ABCC6: variants seen among roughly 807,000 people sequenced by gnomAD.
ABCC6 encodes ATP-binding cassette sub-family C member 6.
Under a neutral mutation model 169.5 loss-of-function variants are expected in ABCC6, and 126 were observed. The ratio of observed to expected loss-of-function variants is 0.74; its 90% confidence interval spans 0.64 to 0.86. The LOEUF is 0.86. Among genes scored for constraint, ABCC6 ranks in the 40% least tolerant of loss-of-function variants. ABCC6 has a pLI of 0.00. For synonymous variants in ABCC6, 752 were observed against 814.7 expected (o/e 0.92, Z 1.31); for missense variants, 1,733 against 1,927.2 (o/e 0.90, Z 1.89).
At chr16:16,188,999 G>A (rs750146578) in intron 12 of ABCC6, 25 bp from the exon 13 acceptor site, 11 of 1,612,888 alleles carry the variant, frequency 6.8e-6, no homozygotes, top group Non-Finnish European at 8.5e-6. Flanking sequence ...GGACACGTGG[G>A]GCAACAGTGA....
At chr16:16,204,565 A>G (rs999681914) in intron 7 of ABCC6, among the ~76,000 whole-genome samples, 9 of 152,174 alleles carry the variant, frequency 5.9e-5, no homozygotes, top group Non-Finnish European at 1.2e-4. Flanking sequence ...GCCTTTGGCT[A>G]TAACCAGGGG....
chr16:16,210,179 C>A (rs2048554878), intron 6 of ABCC6, among the ~76,000 whole-genome samples: 1 of 151,798 alleles, frequency 6.6e-6, no homozygotes, highest in African/African-American at 2.4e-5. Context: ...CTCTGTTGCT[C>A]AGGCTGGAGT....
chr16:16,150,359 GGCTCC>G, intron 30 of ABCC6, 118 bp from the exon 31 acceptor site: 8 of 1,548,324 alleles, frequency 5.2e-6, no homozygotes, highest in Non-Finnish European at 7.0e-6. Context: ...CTTTCCATGC[GGCTCC>G]CTGGCCCTCA....
chr16:16,178,339 AAAAG>A (rs2047355348), intron 18 of ABCC6, among the ~76,000 whole-genome samples: 2 of 152,136 alleles, frequency 1.3e-5, no homozygotes, highest in South Asian at 4.1e-4. Flanking sequence ...AAAAAAAAGA[AAAAG>A]AAAAAAGTTA....
At position 16,185,649 on chromosome 16, in the gene ABCC6, G is replaced by A. The variant is rs532953617; in HGVS notation, c.1868-615C>T. ...AAAATACAAAAATTAGCCAGGCGTGGTGGTGGGCGCCTGTAATCACAGCTA... is the reference window on the plus strand; with the variant it reads ...AAAATACAAAAATTAGCCAGGCGTGATGGTGGGCGCCTGTAATCACAGCTA... On this transcript the variant is annotated intron_variant, in intron 14 of 30. Coordinates refer to ENST00000205557, the MANE Select transcript of ABCC6 (RefSeq NM_001171.6). Among the ~76,000 whole-genome samples the A allele has an allele frequency of 2.6e-5, 4 of 152,264 alleles. No individual in the cohort carries two copies. In the South Asian group the frequency reaches 6.2e-4, roughly 24 times the overall value.
intron 7 of ABCC6, 29 bp from the exon 8 acceptor site, chr16:16,203,642 G>A (rs1267803087): frequency 6.2e-7 from 1 of 1,612,714 alleles, no homozygotes; most frequent in Admixed American, 1.7e-5. Flanking sequence ...TTAGCTCTGG[G>A]TCCCATTTTA....
intron 8 of ABCC6, 73 bp downstream of exon 8, chr16:16,203,337 A>T (rs2048301315): frequency 4.4e-6 from 7 of 1,604,326 alleles, no homozygotes; most frequent in Non-Finnish European, 6.0e-6. Context: ...GGAGAGCTGA[A>T]GCCCCCTGGC....
chr16:16,183,940 C>T (rs1270786101), intron 15 of ABCC6, among the ~76,000 whole-genome samples: 1 of 152,090 alleles, frequency 6.6e-6, no homozygotes, highest in African/African-American at 2.4e-5. Flanking sequence ...GTGGCTCATG[C>T]CTGTAATCCT....
At chr16:16,222,866 A>T (rs895693581) in intron 1 of ABCC6, among the ~76,000 whole-genome samples, 9 of 152,336 alleles carry the variant, frequency 5.9e-5, no homozygotes, top group African/African-American at 1.9e-4. Context: ...AAAAGGGGGA[A>T]AACGAGACTC....
chr16:16,159,235 C>T (rs2046637718), intron 26 of ABCC6, among the ~76,000 whole-genome samples: 2 of 152,144 alleles, frequency 1.3e-5, no homozygotes, highest in African/African-American at 4.8e-5. Context: ...GTTCCCTGCA[C>T]TCCCATGGGT....
rs1304123864 is a variant in ABCC6, at chr16:16,150,140, A to G, written c.4505T>C (p.Leu1502Pro). 1.2e-6 allele frequency: 2 copies of G among 1,612,530 alleles called. No homozygotes were observed. Among genetic ancestry groups the G allele is most frequent in the Non-Finnish European group, 1.7e-6 (2 of 1,179,984 alleles). Residue 1502 changes from leucine to proline, a missense_variant, in exon 31 of 31, where the codon CTG becomes CCG. Leu to Pro is a moderately conservative substitution (Grantham distance 98). Around this residue, in one of 5 missense-constraint regions of ABCC6, gnomAD observed 1,601 missense variants for 1,635.5 expected, o/e 0.98. Transcript: ENST00000205557. ...LFYRLAQESG[L>P]V ...ACGGTTGAGGGTCCTGGCTCAGACC[A>G]GGCCTGACTCCTGGGCCAGTCTGTA...
At position 16,188,928 on chromosome 16, in the gene ABCC6, G is replaced by A; in HGVS notation, c.1682C>T (p.Ala561Val). 1.2e-6 allele frequency: 2 copies of A among 1,614,130 alleles called. No individual in the cohort carries two copies. The highest frequency in any genetic ancestry group is 1.1e-5 in the South Asian group (1 of 91,080). The change falls in exon 13 of 31, where the codon GCT (alanine) becomes GTT (valine). Residue 561 changes from alanine (A) to valine (V), a missense_variant. Ala to Val is a moderately conservative substitution (Grantham distance 64). This residue lies in a region of ABCC6 where 1,601 missense variants were observed against 1,635.5 expected (regional missense o/e 0.98). Transcript: ENST00000205557. ...CACAAAGGCTTTCTCTGCATTCATA[G>A]CATTCTCGGCCACCAGAGTGTGGAC... ...FAVHTLVAEN[A>V]MNAEKAFVTL...
At chr16:16,166,235 G>C (rs2046870476) in intron 22 of ABCC6, among the ~76,000 whole-genome samples, 1 of 152,082 alleles carries the variant, frequency 6.6e-6, no homozygotes, top group Non-Finnish European at 1.5e-5. Context: ...TTTTTGTAGA[G>C]ATGGGATCTT....
intron 1 of ABCC6, among the ~76,000 whole-genome samples, chr16:16,222,774 G>A (rs1050169859): frequency 2.6e-5 from 4 of 151,748 alleles, no homozygotes; most frequent in African/African-American, 9.7e-5. Context: ...TTCTCTCTCC[G>A]CTGTCTTTTT....
chr16:16,207,276 G>C (rs1014214311), intron 7 of ABCC6, among the ~76,000 whole-genome samples: 2 of 152,256 alleles, frequency 1.3e-5, no homozygotes, highest in Admixed American at 1.3e-4. Flanking sequence ...AGCCCCCTGG[G>C]CATGGGATTG....
chr16:16,165,721 C>G lies in ABCC6; in HGVS notation c.3208G>C (p.Ala1070Pro), dbSNP rs369518454. The G allele has an allele frequency of 6.2e-7, 1 of 1,613,680 alleles. No individual in the cohort carries two copies. Among genetic ancestry groups the G allele is most frequent in the Non-Finnish European group, 8.5e-7 (1 of 1,180,042 alleles). Residue 1070 changes from alanine (A) to proline (P), a missense_variant, in exon 23 of 31, where the codon GCC (alanine) becomes CCC (proline). Physicochemically the swap from Ala to Pro is conservative, Grantham distance 27. Transcript: ENST00000205557. ...AGGCTGACCTCCAGGAGTCCAAAGG[C>G]GTACATCAGCAGGGACCGGAGTTTG... ...PDKLRSLLMY[A>P]FGLLEVSLVV...
chr16:16,152,157 C>A (rs2046403710), intron 29 of ABCC6, among the ~76,000 whole-genome samples: 1 of 137,610 alleles, frequency 7.3e-6, no homozygotes, highest in Non-Finnish European at 1.5e-5. Context: ...CGCGCCACTG[C>A]ACTCCAGCCT....
intron 19 of ABCC6, among the ~76,000 whole-genome samples, chr16:16,176,465 G>A (rs2047280914): frequency 2.0e-5 from 3 of 152,230 alleles, no homozygotes; most frequent in Admixed American, 6.5e-5. Flanking sequence ...AACTGCTACT[G>A]TAAGCTGCTA....
At position 16,163,038 on chromosome 16, in the gene ABCC6, A is replaced by G. The variant is rs775707011; in HGVS notation, c.3461T>C (p.Val1154Ala). 8 of 1,614,042 alleles carry G rather than the reference A, an allele frequency of 5.0e-6. No homozygotes were observed. Among genetic ancestry groups the G allele is most frequent in the Middle Eastern group, 1.6e-4 (1 of 6,062 alleles). ...APFVAQNNAR[V>A]DESQRISFPR... ...GAAACTGATCCTCTGGCTTTCATCTACGCGAGCATTGTTCTGAGCCACAAA... is the reference window on the plus strand; with the variant it reads ...GAAACTGATCCTCTGGCTTTCATCTGCGCGAGCATTGTTCTGAGCCACAAA... Residue 1154 changes from valine (V) to alanine (A), a missense_variant, in exon 24 of 31, where the codon GTA becomes GCA. Val to Ala is a moderately conservative substitution (Grantham distance 64, BLOSUM62 0). This residue lies in a region of ABCC6 where 1,601 missense variants were observed against 1,635.5 expected (regional missense o/e 0.98). Transcript: ENST00000205557.
Sources: allele counts gnomAD v4.1 joint callset (sites outside exome capture counted in the v4.1 genomes callset), GRCh38; gene constraint gnomAD v4.1.1; regional missense constraint gnomAD v4.1.1; transcripts MANE v1.5; gene names NCBI Gene and HGNC (gene_info 2026-07-23, HGNC 2026-07-21).